BCO2: variants seen among roughly 807,000 people sequenced by gnomAD.
The protein encoded by BCO2 is beta-carotene oxygenase 2, also known as carotenoid-cleaving dioxygenase, mitochondrial.
BCO2 carries 56 observed loss-of-function variants against 65.8 expected under a neutral mutation model. The ratio of observed to expected loss-of-function variants is 0.85; its 90% CI spans 0.69 to 1.06. BCO2 has a LOEUF of 1.06. Ranked by LOEUF, BCO2 falls within the 50% of genes least tolerant of loss-of-function variation. The pLI, the probability that BCO2 is intolerant of heterozygous loss-of-function variation, is 0.00. For synonymous variants in BCO2, 233 were observed against 242.3 expected, an observed-to-expected ratio of 0.96 and a Z score of 0.36; for missense variants, 675 against 698.5, an observed-to-expected ratio of 0.97 and a Z score of 0.38.
At chr11:112,183,285 C>T (rs756195881) in intron 2 of BCO2, 2 of 671,166 alleles carry the variant, frequency 3.0e-6, no homozygotes, top group Non-Finnish European at 5.4e-6. Context: ...GAAGAAATAA[C>T]ACTATAAGGA....
intron 2 of BCO2, among the ~76,000 whole-genome samples, chr11:112,183,855 G>T (rs1365059427): frequency 6.6e-6 from 1 of 152,182 alleles, no homozygotes; most frequent in Non-Finnish European, 1.5e-5. Flanking sequence ...AGACATTGTT[G>T]TACATCACTG....
intron 2 of BCO2, among the ~76,000 whole-genome samples, chr11:112,185,161 A>G (rs1340916381): frequency 3.3e-5 from 5 of 152,360 alleles, no homozygotes; most frequent in Admixed American, 1.3e-4. Context: ...ACTCTGTACT[A>G]TATTTTCAGG....
rs71060231 is a variant in BCO2, at chr11:112,196,915, TCCTTCCCTTCCCTTC to T, written c.736+2196_736+2210del. 3.6e-3 allele frequency among the ~76,000 whole-genome samples: 448 copies of T among 124,340 alleles called. 1 individual carries two copies. The highest frequency in any genetic ancestry group is 9.2e-3 in the South Asian group (33 of 3,594). The allele number at this position is 124,340 out of a possible 152,430, so 81.6% of individuals were successfully genotyped here. On this transcript the variant is annotated intron_variant, in intron 5 of 11. Coordinates refer to ENST00000357685, the MANE Select transcript of BCO2 (RefSeq NM_031938.7). Reference sequence around the variant, plus strand: ...TTCTCCTTCCTTTCCTTCCTTTCCTTCCTTCCCTTCCCTTCCCTTCCCTTCCCTTCCCTTCCCTTC... The same window carrying T: ...TTCTCCTTCCTTTCCTTCCTTTCCTTCCTTCCCTTCCCTTCCCTTCCCTTC...
intron 2 of BCO2, among the ~76,000 whole-genome samples, chr11:112,188,548 C>A (rs1867272371): frequency 6.6e-6 from 1 of 152,118 alleles, no homozygotes; most frequent in South Asian, 2.1e-4. Context: ...AACATTATCA[C>A]CTGCTCCGCC....
chr11:112,192,978 C>CTTTT (rs34728026), intron 2 of BCO2, among the ~76,000 whole-genome samples: 5 of 74,824 alleles, frequency 6.7e-5, no homozygotes, highest in East Asian at 4.2e-4. Context: ...GTAAATTATT[C>CTTTT]TTTTTTTTTT....
chr11:112,191,648 A>G (rs963744511), intron 2 of BCO2, among the ~76,000 whole-genome samples: 2 of 152,182 alleles, frequency 1.3e-5, no homozygotes, highest in Non-Finnish European at 2.9e-5. Context: ...CACAATAAAT[A>G]TGTAAGAATT....
chr11:112,200,038 G>A (rs990216739), intron 6 of BCO2, among the ~76,000 whole-genome samples: 6 of 152,088 alleles, frequency 3.9e-5, no homozygotes, highest in Non-Finnish European at 8.8e-5. Context: ...TACTGTAGTT[G>A]CTTTAGTATA....
intron 5 of BCO2, among the ~76,000 whole-genome samples, chr11:112,198,076 G>A (rs967032485): frequency 6.6e-6 from 1 of 152,046 alleles, no homozygotes; most frequent in Non-Finnish European, 1.5e-5. Flanking sequence ...CTTATTCCTT[G>A]GCTTATTTTC....
chr11:112,193,017 G>A (rs1398450988), intron 2 of BCO2, among the ~76,000 whole-genome samples: 1 of 117,850 alleles, frequency 8.5e-6, no homozygotes, highest in African/African-American at 3.2e-5. Flanking sequence ...TCCCTCTGTC[G>A]CCCAGGCTGA....
rs111370662 is a variant in BCO2, at chr11:112,216,272, C to T, written c.1568C>T (p.Pro523Leu). The change falls in exon 11 of 12, where the codon CCA becomes CTA. Residue 523 changes from proline (P) to leucine (L), a missense_variant. Transcript: ENST00000357685. Reference sequence around the variant, plus strand: ...TCAGAACCTGTTTTTGTTCCAGCACCAGGAACCAATGAAGAAGATGGTGGG... The same window carrying T: ...TCAGAACCTGTTTTTGTTCCAGCACTAGGAACCAATGAAGAAGATGGTGGG... ...YPSEPVFVPAPGTNEEDGGVI... is the reference protein window; with the variant it reads ...YPSEPVFVPALGTNEEDGGVI... 6.2e-7 allele frequency: 1 copy of T among 1,614,044 alleles called. No individual in the cohort carries two copies. Among genetic ancestry groups the T allele is most frequent in the Non-Finnish European group, 8.5e-7 (1 of 1,180,030 alleles).
chr11:112,178,593 TTAAAA>T (rs767795080), intron 1 of BCO2, among the ~76,000 whole-genome samples: 120 of 152,234 alleles, frequency 7.9e-4, no homozygotes, highest in Non-Finnish European at 1.5e-3. Context: ...CTCAGTAATG[TTAAAA>T]TAATAGGGAG....
intron 2 of BCO2, chr11:112,181,221 G>T (rs545217407): frequency 1.4e-6 from 1 of 700,476 alleles, no homozygotes; most frequent in Non-Finnish European, 2.4e-6. Flanking sequence ...TCGCTCTGTC[G>T]CCCAGGCTGG....
intron 8 of BCO2, among the ~76,000 whole-genome samples, chr11:112,210,024 G>A (rs1859462444): frequency 6.6e-6 from 1 of 152,064 alleles, no homozygotes; most frequent in South Asian, 2.1e-4. Context: ...GGATGATATT[G>A]TATAGGATTG....
In BCO2 at chr11:112,175,649, T is replaced by C; in HGVS notation, c.48T>C (p.Thr16=). ...FLHFIRSHSA[T]AVDFLPVMVH... ...ATTTTATCAGGAGTCATTCTGCCAC[T>C]GCAGTGGATTTCCTTCCTGTGATGG... is the stretch of plus-strand genomic sequence containing the variant. Residue 16 remains threonine, a synonymous_variant, in exon 1 of 12, where the codon ACT becomes ACC. Transcript: ENST00000357685. 6.2e-7 allele frequency: 1 copy of C among 1,614,160 alleles called. No homozygotes were observed.
rs78247619 is a variant in BCO2, at chr11:112,217,613, G to A, written c.1627-148G>A. ...TGATCTCAAGCAATCCACCCACCTC[G>A]GCCTCCCAAAGTGCTAGGATTACAG... On this transcript the variant is annotated intron_variant, in intron 11 of 11. Transcript: ENST00000357685. 665 of 567,742 alleles carry A rather than the reference G, an allele frequency of 1.2e-3. 6 individuals carry two copies. The East Asian group carries it at 0.019, about 16-fold the overall frequency. The allele number at this position is 567,742 out of a possible 1,614,324, so 35.2% of individuals were successfully genotyped here.
chr11:112,178,609 A>G (rs147280435), intron 1 of BCO2, among the ~76,000 whole-genome samples: 1 of 152,250 alleles, frequency 6.6e-6, no homozygotes, highest in African/African-American at 2.4e-5. Context: ...TAATAGGGAG[A>G]AGTTTCAGTT....
In BCO2 at chr11:112,179,419, C is replaced by T; in HGVS notation, c.230C>T (p.Pro77Leu). ...TCTGCTCGAGTCTGGGGACATTTTC[C>T]TAAGTGGCTCAATGGCTCTCTACTT... is the stretch of plus-strand genomic sequence containing the variant. ...GISARVWGHF[P>L]KWLNGSLLRI... Residue 77 changes from proline to leucine, a missense_variant, in exon 2 of 12, where the codon CCT becomes CTT. Transcript: ENST00000357685. The T allele has an allele frequency of 1.9e-6, 3 of 1,614,134 alleles. No homozygotes were observed. The highest frequency in any genetic ancestry group is 1.1e-5 in the South Asian group (1 of 91,086).
chr11:112,190,885 ATAGGATTTG>A (rs1039441908), intron 2 of BCO2, among the ~76,000 whole-genome samples: 17 of 149,754 alleles, frequency 1.1e-4, no homozygotes, highest in African/African-American at 4.1e-4. Flanking sequence ...AGAAAAGAAA[ATAGGATTTG>A]TAGGATTTGT....
chr11:112,213,996 T>TC, intron 9 of BCO2, 135 bp downstream of exon 9: 1 of 681,712 alleles, frequency 1.5e-6, no homozygotes, highest in Non-Finnish European at 2.3e-6. Context: ...TTATGTAACA[T>TC]CGCTTGCACA....
Sources: gnomAD v4.1 joint callset for allele counts (sites outside exome capture counted in the v4.1 genomes callset) on GRCh38, gnomAD v4.1.1 for gene constraint, MANE v1.5 for transcripts, NCBI Gene and HGNC (gene_info 2026-07-23, HGNC 2026-07-21) for gene names.